The following C15orf40 variants were observed in gnomAD, a reference collection of about 807,000 sequenced individuals.
C15orf40 encodes the protein UPF0235 protein C15orf40.
C15orf40 carries 9 observed loss-of-function variants against 13.9 expected under a neutral mutation model. The observed-to-expected ratio is 0.65, with a 90% confidence interval of 0.39 to 1.13. The LOEUF (loss-of-function observed/expected upper bound fraction) is 1.13, where lower values mean the gene tolerates loss of function less well. Ranked by LOEUF, C15orf40 falls within the 50% of genes most tolerant of loss-of-function variation. The probability of loss-of-function intolerance (pLI) is 0.01; values close to 1 mark genes in which losing one functional copy is unlikely to be tolerated. For synonymous variants in C15orf40, 95 were observed against 69.2 expected, an observed-to-expected ratio of 1.37 and a Z score of -1.85; for missense variants, 225 against 188.5, an observed-to-expected ratio of 1.19 and a Z score of -1.13.
At chr15:83,006,331 A>C in intron 3 of C15orf40, 2 of 913,918 alleles carry the variant, frequency 2.2e-6, no homozygotes, top group South Asian at 1.0e-4. Context: ...GCAATTTTAT[A>C]TAAACTTTGT....
chr15:83,008,708 A>C (rs774650229), intron 2 of C15orf40, 33 bp from the exon 3 acceptor site: 1 of 1,548,526 alleles, frequency 6.5e-7, no homozygotes, highest in Non-Finnish European at 8.7e-7. Context: ...TTTATCCTTA[A>C]GGAGTTCTTT....
In C15orf40 at chr15:82,998,291, G is replaced by A. The variant is rs1182957880; in HGVS notation, c.*7306C>T. ...ACTGACCCCCCCCCACCTCCCTCCC[G>A]GACGGGGTGGCTGCCGGGCGGAGAC... is the stretch of plus-strand genomic sequence containing the variant. On this transcript the variant is annotated 3_prime_UTR_variant, in exon 4 of 4. Coordinates refer to ENST00000304177, the MANE Select transcript of C15orf40 (RefSeq NM_144597.3). The A allele has an allele frequency of 7.0e-5, 10 of 143,366 alleles. No homozygotes were observed. Among genetic ancestry groups the A allele is most frequent in the African/African-American group, 2.3e-4 (8 of 34,854 alleles). 8.9% of individuals were successfully genotyped at this position (143,366 alleles called of 1,614,324 possible). A position where few individuals can be genotyped will look rare whatever the true frequency, so the allele number is the denominator to read the frequency against.
At chr15:82,993,946 A>G (rs2030956462), downstream of C15orf40, among the ~76,000 whole-genome samples, 1 of 152,204 alleles carries the variant, frequency 6.6e-6, no homozygotes, top group African/African-American at 2.4e-5. Context: ...GGGGACTTTT[A>G]GAGTTTTTTG....
intron 3 of C15orf40, chr15:83,008,241 G>A (rs910694473): frequency 4.4e-5 from 11 of 250,890 alleles, no homozygotes; most frequent in East Asian, 1.1e-4. Flanking sequence ...AGAGACCTCC[G>A]GGCATGGTGG....
At chr15:82,990,142 CAT>C, downstream of C15orf40, 1 of 563,426 alleles carries the variant, frequency 1.8e-6, no homozygotes, top group Non-Finnish European at 2.8e-6. Flanking sequence ...TTCTGTTGGT[CAT>C]AGTTTTACAT....
downstream of C15orf40, among the ~76,000 whole-genome samples, chr15:82,993,043 G>T (rs58396076): frequency 0.19 from 28,863 of 152,154 alleles, 2,925 homozygotes; most frequent in Non-Finnish European, 0.21. Context: ...GTAGTCTGTT[G>T]TAATAACATA....
Position 82,998,347 on chromosome 15 carries a change from G to T in C15orf40, c.*7250C>A, listed in dbSNP as rs1364920285. On this transcript the variant is annotated 3_prime_UTR_variant, in exon 4 of 4. Coordinates refer to ENST00000304177, the MANE Select transcript of C15orf40 (RefSeq NM_144597.3). Reference sequence around the variant, plus strand: ...TCACTTCCCAGATGGGGTGGCTGCCGGGCGGAGAGGCTCCTCACTTCTCAG... The same window carrying T: ...TCACTTCCCAGATGGGGTGGCTGCCTGGCGGAGAGGCTCCTCACTTCTCAG... 7.3e-6 allele frequency: 1 copy of T among 136,436 alleles called. No homozygotes were observed. The highest frequency in any genetic ancestry group is 2.9e-5 in the African/African-American group (1 of 35,082). 8.5% of individuals were successfully genotyped at this position (136,436 alleles called of 1,614,324 possible). A position where few individuals can be genotyped will look rare whatever the true frequency, so the allele number is the denominator to read the frequency against.
rs2031412370 is a variant in C15orf40 at position 83,001,413 on chromosome 15, C to T, written c.*4184G>A. ...ATAGATGACAGATGCAGTGCTAGAA[C>T]ATCATATGTCGGCATAGTTGGATAA... On this transcript the variant is annotated 3_prime_UTR_variant, in exon 4 of 4. Transcript: ENST00000304177. 1 of 498,682 alleles carries T rather than the reference C, an allele frequency of 2.0e-6. No individual in the cohort carries two copies. Among genetic ancestry groups the T allele is most frequent in the Non-Finnish European group, 2.6e-6 (1 of 385,286 alleles). 30.9% of individuals were successfully genotyped at this position (498,682 alleles called of 1,614,324 possible). A position where few individuals can be genotyped will look rare whatever the true frequency, so the allele number is the denominator to read the frequency against.
downstream of C15orf40, among the ~76,000 whole-genome samples, chr15:82,994,456 C>A (rs2151273987): frequency 6.6e-6 from 1 of 152,290 alleles, no homozygotes; most frequent in Middle Eastern, 3.4e-3. Context: ...AAACACAGAT[C>A]TGGCTGTGTA....
At chr15:83,008,432 T>C (rs2031812487) in intron 3 of C15orf40, 116 bp downstream of exon 3, 1 of 1,044,138 alleles carries the variant, frequency 9.6e-7, no homozygotes, top group African/African-American at 1.6e-5. Context: ...GGCAGGAGAA[T>C]AGCTTGAACC....
At chr15:82,992,084 T>C (rs1289205080), downstream of C15orf40, 1 of 422,056 alleles carries the variant, frequency 2.4e-6, no homozygotes. Flanking sequence ...GGTGTGGTGG[T>C]GCACGCCTGT....
chr15:83,008,022 T>C (rs2031786268), intron 3 of C15orf40: 1 of 156,200 alleles, frequency 6.4e-6, no homozygotes, highest in Non-Finnish European at 1.4e-5. Context: ...TGAAACCCTG[T>C]CTCTACTACA....
At chr15:83,009,252 TACTA>T (rs2031866671) in intron 2 of C15orf40, among the ~76,000 whole-genome samples, 1 of 152,268 alleles carries the variant, frequency 6.6e-6, no homozygotes, top group African/African-American at 2.4e-5. Flanking sequence ...GCTTTACAAA[TACTA>T]ACTTCTTTAA....
rs749025059 is a variant in C15orf40 at position 83,011,555 on chromosome 15, C to G, written c.53G>C (p.Arg18Pro). The change falls in exon 1 of 4, where the codon CGG becomes CCG. Residue 18 changes from arginine (R) to proline (P), a missense_variant. Arg to Pro is a moderately radical substitution (Grantham distance 103). Transcript: ENST00000304177. ...GGCGCAAAGAAGCCGAGCGGAGCCC[C>G]GAGTATTGGGTGTTGCCCGAAGGTG... is the stretch of plus-strand genomic sequence containing the variant. ...LRHLRATPNTRGSARLLCAEM... is the reference protein window; with the variant it reads ...LRHLRATPNTPGSARLLCAEM... 85 of 1,606,464 alleles carry G rather than the reference C, an allele frequency of 5.3e-5. No individual in the cohort carries two copies. Among genetic ancestry groups the G allele is most frequent in the South Asian group, 3.1e-4 (28 of 90,940 alleles).
chr15:83,006,728 C>T (rs1292008222), intron 3 of C15orf40, among the ~76,000 whole-genome samples: 7 of 152,128 alleles, frequency 4.6e-5, no homozygotes, highest in Admixed American at 2.0e-4. Flanking sequence ...ATTGCGCCAT[C>T]GCACCCTAGC....
At position 83,004,346 on chromosome 15, in the gene C15orf40, C is replaced by G; in HGVS notation, c.*1251G>C. 1 of 985,394 alleles carries G rather than the reference C, an allele frequency of 1.0e-6. No individual in the cohort carries two copies. The highest frequency in any genetic ancestry group is 1.2e-6 in the Non-Finnish European group (1 of 829,926). The allele number at this position is 985,394 out of a possible 1,614,324, so 61.0% of individuals were successfully genotyped here. A position where few individuals can be genotyped will look rare whatever the true frequency, so the allele number is the denominator to read the frequency against. The stretch of plus-strand genomic sequence containing the variant: ...TTAATGATTTGGTCCATCAATACAT[C>G]TTTCTCATGTACTTGCTGGACAAAG... On this transcript the variant is annotated 3_prime_UTR_variant, in exon 4 of 4. Coordinates refer to ENST00000304177, the MANE Select transcript of C15orf40 (RefSeq NM_144597.3).
Position 83,005,059 on chromosome 15 carries a change from T to G in C15orf40, c.*538A>C, listed in dbSNP as rs2151285856. On this transcript the variant is annotated 3_prime_UTR_variant, in exon 4 of 4. Coordinates refer to ENST00000304177, the MANE Select transcript of C15orf40 (RefSeq NM_144597.3). ...AATATTCTTCCCAGCTCTGTTATTTTACAACGCCATGAAATCAGAGTAACA... is the reference window on the plus strand; with the variant it reads ...AATATTCTTCCCAGCTCTGTTATTTGACAACGCCATGAAATCAGAGTAACA... The G allele has an allele frequency of 1.0e-5, 12 of 1,200,114 alleles. No individual in the cohort carries two copies. Among genetic ancestry groups the G allele is most frequent in the Non-Finnish European group, 1.2e-5 (11 of 932,066 alleles). The allele number at this position is 1,200,114 out of a possible 1,614,324, so 74.3% of individuals were successfully genotyped here.
At chr15:82,990,904 C>G, downstream of C15orf40, 1 of 398,956 alleles carries the variant, frequency 2.5e-6, no homozygotes, top group Non-Finnish European at 4.5e-6. Flanking sequence ...ATATTCACTT[C>G]CAGATGCATA....
rs2031611264 is a variant in C15orf40, at chr15:83,005,256, T to G, written c.*341A>C. On this transcript the variant is annotated 3_prime_UTR_variant, in exon 4 of 4. Transcript: ENST00000304177. Reference sequence around the variant, plus strand: ...TTAACAGCCTCTTCACCATTAGCAATAAAAAAGTTTCTCAAGGATGTATTT... The same window carrying G: ...TTAACAGCCTCTTCACCATTAGCAAGAAAAAAGTTTCTCAAGGATGTATTT... 9.8e-7 allele frequency: 1 copy of G among 1,015,440 alleles called. No homozygotes were observed. The highest frequency in any genetic ancestry group is 1.2e-6 in the Non-Finnish European group (1 of 846,556). The allele number at this position is 1,015,440 out of a possible 1,614,324, so 62.9% of individuals were successfully genotyped here.
Sources: allele counts gnomAD v4.1 joint callset (sites outside exome capture counted in the v4.1 genomes callset), GRCh38; gene constraint gnomAD v4.1.1; transcripts MANE v1.5; gene names NCBI Gene and HGNC (gene_info 2026-07-23, HGNC 2026-07-21).